TDRKH: variants seen among roughly 807,000 people sequenced by gnomAD.
The protein encoded by TDRKH is tudor and KH domain containing, also known as tudor and KH domain-containing protein.
Under a neutral mutation model 61.3 loss-of-function variants are expected in TDRKH, and 28 were observed. That is an observed-to-expected ratio of 0.46 (90% CI 0.34 to 0.63). The LOEUF is 0.63. TDRKH is among the 20% of genes least tolerant of loss of function. The pLI is 0.01. For missense variants in TDRKH, 540 were observed against 683.4 expected, an observed-to-expected ratio of 0.79 and a Z score of 2.34; for synonymous variants, 219 against 244.4, an observed-to-expected ratio of 0.90 and a Z score of 0.97.
At chr1:151,787,539 C>G (rs527774204) in intron 1 of TDRKH, among the ~76,000 whole-genome samples, 106 of 152,236 alleles carry the variant, frequency 7.0e-4, no homozygotes, top group African/African-American at 2.1e-3. Flanking sequence ...TATATGACCA[C>G]TAAAGTGCAA....
chr1:151,766,599 A>G (rs1265276943), downstream of TDRKH: 2 of 1,130,766 alleles, frequency 1.8e-6, no homozygotes, highest in Non-Finnish European at 2.5e-6. Flanking sequence ...CTGAGGTGAC[A>G]TAAGGGCTGA....
chr1:151,778,316 T>C (rs1649406157), intron 6 of TDRKH, among the ~76,000 whole-genome samples: 1 of 152,192 alleles, frequency 6.6e-6, no homozygotes, highest in Non-Finnish European at 1.5e-5. Flanking sequence ...TGGTAACAAC[T>C]TGTCTCAATA....
downstream of TDRKH, chr1:151,766,702 G>C: frequency 6.4e-7 from 1 of 1,551,500 alleles, no homozygotes; most frequent in South Asian, 1.2e-5. Context: ...TTTGCCACAG[G>C]GAGGCACTGA....
intron 1 of TDRKH, among the ~76,000 whole-genome samples, chr1:151,784,688 G>C (rs1650150257): frequency 6.6e-6 from 1 of 151,756 alleles, no homozygotes; most frequent in South Asian, 2.1e-4. Flanking sequence ...AGTGCCTCAG[G>C]GATCTGTCCT....
At chr1:151,782,376 G>A (rs1265709122) in intron 2 of TDRKH, among the ~76,000 whole-genome samples, 1 of 152,150 alleles carries the variant, frequency 6.6e-6, no homozygotes, top group Admixed American at 6.5e-5. Context: ...GAACTCGGGA[G>A]GCAGAGGTTG....
intron 1 of TDRKH, among the ~76,000 whole-genome samples, chr1:151,785,069 C>T (rs1650192149): frequency 6.6e-6 from 1 of 151,906 alleles, no homozygotes; most frequent in Non-Finnish European, 1.5e-5. Context: ...GTAGCTGAGA[C>T]TACAGGTGCA....
downstream of TDRKH, chr1:151,767,901 A>T: frequency 1.1e-6 from 1 of 914,974 alleles, no homozygotes; most frequent in South Asian, 1.8e-5. Context: ...ATAGGCTATT[A>T]GTTCCTGGGA....
In TDRKH at chr1:151,776,194, G is replaced by A; in HGVS notation, c.1119C>T (p.Ala373=). Residue 373 remains alanine, a synonymous_variant, in exon 8 of 13, where the codon GCC becomes GCT. Coordinates refer to ENST00000368824, the MANE Select transcript of TDRKH (RefSeq NM_001083965.2). The part of the protein sequence containing the change: ...PLPTNGSWYR[A]RVLGTLENGN... ...CATTCTCCAAGGTGCCGAGGACCCG[G>A]GCTCGATACCAGGAACCATTTGTAG... The A allele has an allele frequency of 6.2e-7, 1 of 1,614,174 alleles. No individual in the cohort carries two copies. Among genetic ancestry groups the A allele is most frequent in the South Asian group, 1.1e-5 (1 of 91,082 alleles).
downstream of TDRKH, chr1:151,768,089 C>T: frequency 6.2e-7 from 1 of 1,613,984 alleles, no homozygotes. Context: ...GCTACTGACC[C>T]CCTGCTCCAC....
At chr1:151,784,499 G>A (rs1006357706) in intron 1 of TDRKH, among the ~76,000 whole-genome samples, 6 of 152,140 alleles carry the variant, frequency 3.9e-5, no homozygotes, top group Non-Finnish European at 2.9e-5. Flanking sequence ...TCCAAAGATC[G>A]ATTCTCAGTT....
chr1:151,776,103 C>A lies in TDRKH; in HGVS notation c.1210G>T (p.Ala404Ser), dbSNP rs184233380. The change falls in exon 8 of 13, where the codon GCT becomes TCT. Residue 404 changes from alanine (A) to serine (S), a missense_variant. Ala to Ser is a moderately conservative substitution (Grantham distance 99). Coordinates refer to ENST00000368824, the MANE Select transcript of TDRKH (RefSeq NM_001083965.2). Reference sequence around the variant, plus strand: ...GCTGACCTCAGCACTGACCTGAGAGCCCTGAGGTCCTTCAGTGGGCAATCT... The same window carrying A: ...GCTGACCTCAGCACTGACCTGAGAGACCTGAGGTCCTTCAGTGGGCAATCT... ...NGDCPLKDLRALRSDFLSLPF... is the reference protein window; with the variant it reads ...NGDCPLKDLRSLRSDFLSLPF... 12,005 of 1,612,738 alleles carry A rather than the reference C, an allele frequency of 7.4e-3. 62 individuals are homozygous for A. Among genetic ancestry groups the A allele is most frequent in the Non-Finnish European group, 8.7e-3 (10,227 of 1,179,268 alleles).
chr1:151,774,264 G>A lies in TDRKH; in HGVS notation c.*188C>T, dbSNP rs976999921. 8 of 610,448 alleles carry A rather than the reference G, an allele frequency of 1.3e-5. No individual in the cohort carries two copies. Among genetic ancestry groups the A allele is most frequent in the Non-Finnish European group, 2.3e-5 (8 of 351,780 alleles). 37.8% of individuals were successfully genotyped at this position (610,448 alleles called of 1,614,324 possible). ...AGAAATACACAAAAAGCTTGAAAGTGCTCAATCTGAGAGCAAGTTAAGCTG... is the reference window on the plus strand; with the variant it reads ...AGAAATACACAAAAAGCTTGAAAGTACTCAATCTGAGAGCAAGTTAAGCTG... On this transcript the variant is annotated 3_prime_UTR_variant, in exon 13 of 13. Transcript: ENST00000368824.
chr1:151,785,508 C>T (rs904795746), intron 1 of TDRKH, among the ~76,000 whole-genome samples: 3 of 152,278 alleles, frequency 2.0e-5, no homozygotes, highest in Admixed American at 6.5e-5. Context: ...GCACTAAAGA[C>T]ACAAAAATGA....
At chr1:151,779,316 G>A (rs750102503) in intron 4 of TDRKH, 74 bp from the exon 5 acceptor site, 5 of 1,545,548 alleles carry the variant, frequency 3.2e-6, no homozygotes, top group Non-Finnish European at 4.4e-6. Flanking sequence ...TCACTGTTTT[G>A]TATATACTAG....
Position 151,776,493 on chromosome 1 carries a change from G to C in TDRKH, c.990C>G (p.Ser330Arg). 1 of 1,614,170 alleles carries C rather than the reference G, an allele frequency of 6.2e-7. No homozygotes were observed. The highest frequency in any genetic ancestry group is 8.5e-7 in the Non-Finnish European group (1 of 1,180,042). ...HFWIQIVGSR[S>R]LQLDKLVNEM... ...CATTGACAAGCTTATCCAATTGCAG[G>C]CTGCGGGAGCCAACGATCTGGATCC... Residue 330 changes from serine (S) to arginine (R), a missense_variant, in exon 7 of 13, where the codon AGC (serine) becomes AGG (arginine). Ser to Arg is a moderately radical substitution (Grantham distance 110, BLOSUM62 -1). Coordinates refer to ENST00000368824, the MANE Select transcript of TDRKH (RefSeq NM_001083965.2).
At chr1:151,785,549 A>G (rs1418435070) in intron 1 of TDRKH, among the ~76,000 whole-genome samples, 6 of 152,368 alleles carry the variant, frequency 3.9e-5, no homozygotes, top group Non-Finnish European at 7.3e-5. Context: ...CTACTATGCC[A>G]GGCAAATTAC....
chr1:151,770,059 T>C, downstream of TDRKH: 1 of 1,557,786 alleles, frequency 6.4e-7, no homozygotes. Context: ...TTTGGTGGCA[T>C]CAGAGGGAGA....
intron 1 of TDRKH, among the ~76,000 whole-genome samples, chr1:151,789,477 C>A (rs1650684527): frequency 1.3e-5 from 2 of 152,086 alleles, no homozygotes; most frequent in South Asian, 4.1e-4. Context: ...GAACTTAAGA[C>A]CACAGTTTCT....
downstream of TDRKH, among the ~76,000 whole-genome samples, chr1:151,772,777 A>G (rs974143830): frequency 6.6e-6 from 1 of 152,236 alleles, no homozygotes; most frequent in South Asian, 2.1e-4. Context: ...TACTTACCAG[A>G]GCTGCTCCTA....
Sources: gnomAD v4.1 joint callset for allele counts (sites outside exome capture counted in the v4.1 genomes callset) on GRCh38, gnomAD v4.1.1 for gene constraint, MANE v1.5 for transcripts, NCBI Gene and HGNC (gene_info 2026-07-23, HGNC 2026-07-21) for gene names.